The following TOGARAM2 variants were observed in gnomAD, a reference collection of about 807,000 sequenced individuals.
TOGARAM2 encodes TOG array regulator of axonemal microtubules 2, also known as TOG array regulator of axonemal microtubules protein 2.
Under a neutral mutation model 93.3 loss-of-function variants are expected in TOGARAM2, and 85 were observed. The ratio of observed to expected loss-of-function variants is 0.91; its 90% CI spans 0.76 to 1.09. The LOEUF (loss-of-function observed/expected upper bound fraction) is 1.09, where lower values mean the gene tolerates loss of function less well. Ranked by LOEUF, TOGARAM2 falls within the 50% of genes least tolerant of loss-of-function variation. The pLI is 0.00. For synonymous variants in TOGARAM2, 593 were observed against 552.8 expected, an observed-to-expected ratio of 1.07 and a Z score of -1.02; for missense variants, 1,277 against 1,334.5, an observed-to-expected ratio of 0.96 and a Z score of 0.67.
intron 6 of TOGARAM2, among the ~76,000 whole-genome samples, chr2:29,007,715 C>A (rs867498017): frequency 7.9e-5 from 12 of 152,108 alleles, no homozygotes; most frequent in Admixed American, 6.6e-4. Context: ...AGGACCCAGG[C>A]GCATAATGCT....
intron 10 of TOGARAM2, among the ~76,000 whole-genome samples, chr2:29,020,510 G>A (rs1312701326): frequency 6.6e-6 from 1 of 152,194 alleles, no homozygotes; most frequent in Non-Finnish European, 1.5e-5. Context: ...GCACAAATAC[G>A]AACATGACTG....
intron 5 of TOGARAM2, 69 bp from the exon 6 acceptor site, chr2:29,003,423 T>A (rs960625719): frequency 2.3e-5 from 30 of 1,287,908 alleles, no homozygotes; most frequent in Non-Finnish European, 2.8e-5. Flanking sequence ...CTGTGTGAGG[T>A]GCCTGGAGGT....
At chr2:29,047,229 G>A (rs1254377482) in intron 19 of TOGARAM2, 2 of 152,378 alleles carry the variant, frequency 1.3e-5, no homozygotes, top group Non-Finnish European at 2.9e-5. Flanking sequence ...GGGGAGAACA[G>A]GGTATGTAAG....
At chr2:28,989,517 C>T (rs1672618051) in intron 1 of TOGARAM2, among the ~76,000 whole-genome samples, 1 of 152,266 alleles carries the variant, frequency 6.6e-6, no homozygotes, top group Non-Finnish European at 1.5e-5. Flanking sequence ...CCTGCCTCAG[C>T]ACCCCCAAGT....
chr2:29,012,922 CCCCTTGG>C (rs1475107192), intron 7 of TOGARAM2, among the ~76,000 whole-genome samples: 1 of 152,198 alleles, frequency 6.6e-6, no homozygotes, highest in Admixed American at 6.5e-5. Context: ...GCCCCTCTTC[CCCCTTGG>C]CCCTTGATCC....
chr2:28,966,071 G>C (rs1238141874), intron 1 of TOGARAM2, among the ~76,000 whole-genome samples: 3 of 151,766 alleles, frequency 2.0e-5, no homozygotes, highest in Non-Finnish European at 4.4e-5. Context: ...TCCCAGGCTG[G>C]AGTGCAGTGG....
chr2:29,035,611 G>A lies in TOGARAM2; in HGVS notation c.2373G>A (p.Glu791=), dbSNP rs768735881. Residue 791 remains glutamate (E), a synonymous_variant, in exon 17 of 20, where the codon GAG becomes GAA. Coordinates refer to ENST00000379558, the MANE Select transcript of TOGARAM2 (RefSeq NM_199280.4). ...SRMEGVGQLL[E]LCKAKTELVT... is the part of the protein sequence containing the mutation. ...TGGAAGGCGTGGGGCAGCTCCTGGA[G>A]CTCTGCAAGGCCAAGACGGAGCTTG... 23 of 1,569,078 alleles carry A rather than the reference G, an allele frequency of 1.5e-5. No individual in the cohort carries two copies. The highest frequency in any genetic ancestry group is 1.6e-5 in the Non-Finnish European group (19 of 1,157,716).
At chr2:28,963,809 A>G (rs529317764) in intron 1 of TOGARAM2, among the ~76,000 whole-genome samples, 7 of 151,994 alleles carry the variant, frequency 4.6e-5, no homozygotes, top group African/African-American at 1.7e-4. Flanking sequence ...AGAGTTCAAG[A>G]CCAGCCTGGC....
intron 11 of TOGARAM2, 94 bp from the exon 12 acceptor site, chr2:29,022,992 C>A: frequency 9.9e-7 from 1 of 1,006,576 alleles, no homozygotes; most frequent in South Asian, 1.5e-5. Context: ...GACGGTGGAC[C>A]GTGATGGTGT....
chr2:28,998,327 CG>C, intron 3 of TOGARAM2, 74 bp downstream of exon 3: 2 of 1,009,338 alleles, frequency 2.0e-6, no homozygotes, highest in Non-Finnish European at 2.9e-6. Flanking sequence ...TGGTAGATGC[CG>C]GCTGTGTTCT....
At chr2:28,989,902 TTATTCCCCTTCA>T (rs755814289) in intron 1 of TOGARAM2, among the ~76,000 whole-genome samples, 3 of 152,250 alleles carry the variant, frequency 2.0e-5, no homozygotes, top group Non-Finnish European at 4.4e-5. Flanking sequence ...GATTTTAGTC[TTATTCCCCTTCA>T]TATCTTAGTA....
chr2:29,051,945 T>C lies in TOGARAM2; in HGVS notation c.2912T>C (p.Phe971Ser). The C allele has an allele frequency of 6.2e-7, 1 of 1,607,832 alleles. No individual in the cohort carries two copies. The highest frequency in any genetic ancestry group is 2.2e-5 in the East Asian group (1 of 44,676). The change falls in exon 20 of 20, where the codon TTT becomes TCT. Residue 971 changes from phenylalanine to serine, a missense_variant. Phe to Ser is a radical substitution (Grantham distance 155). Transcript: ENST00000379558. ...CACATGGGCTCCCGCCTGCTGGACT[T>C]TGCCGCCAGCCAGCCAAAGCACGTC... Reference protein sequence around the residue: ...QEHMGSRLLDFAASQPKHVLK... With the variant: ...QEHMGSRLLDSAASQPKHVLK...
intron 6 of TOGARAM2, among the ~76,000 whole-genome samples, chr2:29,004,559 C>T (rs932244243): frequency 2.6e-5 from 4 of 152,172 alleles, no homozygotes; most frequent in Non-Finnish European, 4.4e-5. Context: ...TGTCAGAGCA[C>T]GTGTGTGTGA....
intron 10 of TOGARAM2, 113 bp from the exon 11 acceptor site, chr2:29,022,045 G>T: frequency 5.8e-6 from 8 of 1,386,148 alleles, no homozygotes; most frequent in Non-Finnish European, 7.0e-6. Flanking sequence ...TCCCTGTTAG[G>T]TGGGCTCAGG....
At chr2:29,050,439 T>C (rs1407633386) in intron 19 of TOGARAM2, 1 of 152,162 alleles carries the variant, frequency 6.6e-6, no homozygotes, top group South Asian at 2.1e-4. Flanking sequence ...CAGCATGCGG[T>C]AGAAAGAGTG....
Position 29,024,130 on chromosome 2 carries a change from C to T in TOGARAM2, c.1618-9C>T. ...CAGCACCCTGGAGGGCCTCTCTCCTCTCTCCAAGGTCACCAACCTGCGGTC... is the reference window on the plus strand; with the variant it reads ...CAGCACCCTGGAGGGCCTCTCTCCTTTCTCCAAGGTCACCAACCTGCGGTC... On this transcript the variant is annotated splice_polypyrimidine_tract_variant and intron_variant, in intron 12 of 19. Transcript: ENST00000379558. The T allele has an allele frequency of 6.4e-7, 1 of 1,561,412 alleles. No homozygotes were observed. Among genetic ancestry groups the T allele is most frequent in the Non-Finnish European group, 8.7e-7 (1 of 1,152,548 alleles).
intron 6 of TOGARAM2, among the ~76,000 whole-genome samples, chr2:29,005,386 G>GT (rs1673665850): frequency 7.4e-6 from 1 of 135,536 alleles, no homozygotes; most frequent in Non-Finnish European, 1.6e-5. Flanking sequence ...ATGTATGTGG[G>GT]TGCATGTATG....
At chr2:29,035,122 C>G (rs893865420) in intron 16 of TOGARAM2, among the ~76,000 whole-genome samples, 1 of 147,380 alleles carries the variant, frequency 6.8e-6, no homozygotes, top group African/African-American at 2.5e-5. Flanking sequence ...TAAACTCTAG[C>G]CTGGGCAGCA....
At chr2:29,028,951 A>C (rs1209799151) in intron 14 of TOGARAM2, among the ~76,000 whole-genome samples, 1 of 152,242 alleles carries the variant, frequency 6.6e-6, no homozygotes, top group African/African-American at 2.4e-5. Context: ...CAAAAAACCA[A>C]AAAATAATAG....
Sources: gnomAD v4.1 joint callset for allele counts (sites outside exome capture counted in the v4.1 genomes callset) on GRCh38, gnomAD v4.1.1 for gene constraint, MANE v1.5 for transcripts, NCBI Gene and HGNC (gene_info 2026-07-23, HGNC 2026-07-21) for gene names.